Variants in APBA2 observed in about 807,000 individuals in gnomAD.
APBA2 encodes the protein amyloid beta precursor protein binding family A member 2.
A neutral mutation model predicts 75.0 loss-of-function variants in APBA2; 30 were observed. The ratio of observed to expected loss-of-function variants is 0.40; its 90% CI spans 0.30 to 0.54. The LOEUF (loss-of-function observed/expected upper bound fraction) is 0.54, where lower values mean the gene tolerates loss of function less well. APBA2 is among the 20% of genes least tolerant of loss of function. APBA2 has a pLI of 0.49. For missense variants in APBA2, 801 were observed against 1,016.1 expected, an observed-to-expected ratio of 0.79 and a Z score of 2.88; for synonymous variants, 444 against 409.6, an observed-to-expected ratio of 1.08 and a Z score of -1.01.
Position 29,117,334 on chromosome 15 carries a change from A to C in APBA2, c.*201A>C. 1 of 604,542 alleles carries C rather than the reference A, an allele frequency of 1.7e-6. No homozygotes were observed. The highest frequency in any genetic ancestry group is 2.0e-5 in the South Asian group (1 of 51,204). 37.4% of individuals were successfully genotyped at this position (604,542 alleles called of 1,614,324 possible). A position where few individuals can be genotyped will look rare whatever the true frequency, so the allele number is the denominator to read the frequency against. The stretch of plus-strand genomic sequence containing the variant: ...TATGTCTTTATCAAAGGAGAGTCAC[A>C]GAACAAATGTTTGTTTGTAAAGCGT... On this transcript the variant is annotated 3_prime_UTR_variant, in exon 15 of 15. Transcript: ENST00000683413.
chr15:28,946,260 T>A (rs2035544500), intron 2 of APBA2, among the ~76,000 whole-genome samples: 1 of 152,174 alleles, frequency 6.6e-6, no homozygotes, highest in Non-Finnish European at 1.5e-5. Context: ...CTGATTAAGT[T>A]ATGGATCTTG....
At chr15:28,940,369 A>T (rs2035135031) in intron 2 of APBA2, among the ~76,000 whole-genome samples, 1 of 140,726 alleles carries the variant, frequency 7.1e-6, no homozygotes, top group Admixed American at 6.9e-5. Context: ...AAAAAAAAAA[A>T]AAAAAAAAAA....
intron 4 of APBA2, among the ~76,000 whole-genome samples, chr15:29,068,195 C>A (rs78905707): frequency 1.3e-5 from 2 of 152,196 alleles, no homozygotes; most frequent in Non-Finnish European, 2.9e-5. Context: ...GATAAAGTCA[C>A]GCGATTGAAT....
At chr15:28,926,472 T>C (rs1488016639) in intron 2 of APBA2, among the ~76,000 whole-genome samples, 1 of 152,230 alleles carries the variant, frequency 6.6e-6, no homozygotes, top group Non-Finnish European at 1.5e-5. Flanking sequence ...CCTTGTGACA[T>C]TGCTGTTAAT....
intron 4 of APBA2, chr15:29,071,017 C>G (rs1174277435): frequency 2.2e-6 from 1 of 455,218 alleles, no homozygotes; most frequent in Non-Finnish European, 4.4e-6. Context: ...TGCCCTCTAT[C>G]CCTAACCTCA....
At chr15:29,068,316 G>T (rs138887117) in intron 4 of APBA2, among the ~76,000 whole-genome samples, 7 of 152,348 alleles carry the variant, frequency 4.6e-5, no homozygotes, top group African/African-American at 1.7e-4. Flanking sequence ...AGAACCAGTG[G>T]CAGAAGCAGC....
chr15:29,051,870 C>A (rs529497651), intron 3 of APBA2, among the ~76,000 whole-genome samples: 77 of 152,310 alleles, frequency 5.1e-4, no homozygotes, highest in African/African-American at 1.8e-3. Context: ...CTGCTCCCAT[C>A]TGAGCCCAGA....
At chr15:29,087,548 G>T (rs1482652236) in intron 6 of APBA2, among the ~76,000 whole-genome samples, 2 of 152,218 alleles carry the variant, frequency 1.3e-5, no homozygotes, top group African/African-American at 4.8e-5. Context: ...CCATAGGTGT[G>T]ATTTTCAGAT....
chr15:29,110,120 G>T (rs2044650287), intron 13 of APBA2, among the ~76,000 whole-genome samples: 1 of 152,370 alleles, frequency 6.6e-6, no homozygotes, highest in Non-Finnish European at 1.5e-5. Context: ...GCACTTTGTG[G>T]ATGGGCATGG....
intron 2 of APBA2, among the ~76,000 whole-genome samples, chr15:28,965,028 TA>T (rs1160043749): frequency 6.6e-6 from 1 of 152,106 alleles, no homozygotes; most frequent in Admixed American, 6.5e-5. Flanking sequence ...GGTGTATGTC[TA>T]GGAACTCTTT....
intron 2 of APBA2, among the ~76,000 whole-genome samples, chr15:28,983,713 T>C (rs1566872049): frequency 6.6e-6 from 1 of 152,224 alleles, no homozygotes; most frequent in Non-Finnish European, 1.5e-5. Context: ...GTCAGCTCTG[T>C]GGGCAGATGG....
At chr15:28,894,472 G>A (rs1346732445) in intron 1 of APBA2, among the ~76,000 whole-genome samples, 2 of 152,128 alleles carry the variant, frequency 1.3e-5, no homozygotes, top group African/African-American at 4.8e-5. Context: ...AGGTTGGGGT[G>A]GATCATGGAC....
intron 6 of APBA2, among the ~76,000 whole-genome samples, chr15:29,088,853 C>G (rs79364926): frequency 0.057 from 8,687 of 152,288 alleles, 620 homozygotes; most frequent in African/African-American, 0.16. Flanking sequence ...GGCCCATGCC[C>G]TAGGCCTCGG....
At chr15:29,064,572 G>T (rs1385954545) in intron 4 of APBA2, among the ~76,000 whole-genome samples, 1 of 152,200 alleles carries the variant, frequency 6.6e-6, no homozygotes, top group African/African-American at 2.4e-5. Flanking sequence ...ACTTTGAGAG[G>T]GGCTTTGGGA....
chr15:29,004,189 A>T (rs764503190), intron 3 of APBA2, among the ~76,000 whole-genome samples: 2 of 152,158 alleles, frequency 1.3e-5, no homozygotes, highest in Non-Finnish European at 2.9e-5. Flanking sequence ...TCCCTTCTAA[A>T]AGCCAAGTTC....
At chr15:29,030,449 C>G (rs1188649332) in intron 3 of APBA2, among the ~76,000 whole-genome samples, 2 of 151,672 alleles carry the variant, frequency 1.3e-5, no homozygotes, top group Admixed American at 6.6e-5. Flanking sequence ...GCCACAGAGC[C>G]AGACTCCGTC....
chr15:28,988,772 T>C (rs1013865129), intron 2 of APBA2, among the ~76,000 whole-genome samples: 2 of 152,242 alleles, frequency 1.3e-5, no homozygotes, highest in Non-Finnish European at 2.9e-5. Context: ...TGTGTCTCTC[T>C]GTGAACGTGA....
At chr15:28,915,182 A>T (rs2033624946) in intron 1 of APBA2, among the ~76,000 whole-genome samples, 1 of 3,040 alleles carries the variant, frequency 3.3e-4, no homozygotes, top group Non-Finnish European at 7.6e-4. Context: ...TACATACCCC[A>T]TATATACCAC....
chr15:29,071,473 A>C (rs1438552564), intron 4 of APBA2, among the ~76,000 whole-genome samples: 1 of 151,500 alleles, frequency 6.6e-6, no homozygotes, highest in African/African-American at 2.4e-5. Context: ...TCAGCGACAG[A>C]TGGGACCCCG....
Sources: gnomAD v4.1 joint callset for allele counts (sites outside exome capture counted in the v4.1 genomes callset) on GRCh38, gnomAD v4.1.1 for gene constraint, MANE v1.5 for transcripts, NCBI Gene and HGNC (gene_info 2026-07-23, HGNC 2026-07-21) for gene names.